NR1D1: variants seen among roughly 807,000 people sequenced by gnomAD.
NR1D1 encodes nuclear receptor subfamily 1 group D member 1, also known as Rev-ErbAalpha.
Under a neutral mutation model 51.1 loss-of-function variants are expected in NR1D1, and 17 were observed. That is an observed-to-expected ratio of 0.33 (90% CI 0.23 to 0.50). The LOEUF (loss-of-function observed/expected upper bound fraction) is 0.50, where lower values mean the gene tolerates loss of function less well. NR1D1 is among the 20% of genes least tolerant of loss of function. NR1D1 has a pLI of 0.98. For synonymous variants in NR1D1, 341 were observed against 333.4 expected (o/e 1.02, Z -0.25); for missense variants, 647 against 830.4 (o/e 0.78, Z 2.71).
At position 40,095,902 on chromosome 17, in the gene NR1D1, C is replaced by G. The variant is rs1040796889; in HGVS notation, c.790G>C (p.Val264Leu). The change falls in exon 5 of 8, where the codon GTG becomes CTG. Residue 264 changes from valine to leucine, a missense_variant. Physicochemically the swap from Val to Leu is conservative, Grantham distance 32. Transcript: ENST00000246672. ...PPPAPVPSPLVGFSQFPQQLT... is the reference protein window; with the variant it reads ...PPPAPVPSPLLGFSQFPQQLT... The stretch of plus-strand genomic sequence containing the variant: ...TGTTGTGGAAACTGGGAGAAGCCCA[C>G]CAGGGGTGAGGGGACCGGAGCAGGG... The G allele has an allele frequency of 1.2e-6, 2 of 1,612,864 alleles. No individual in the cohort carries two copies. Among genetic ancestry groups the G allele is most frequent in the South Asian group, 1.1e-5 (1 of 91,006 alleles).
rs761188125 is a variant in NR1D1 at position 40,093,398 on chromosome 17, C to T, written c.1646-116G>A. ...CTCTCCCTGAAGCCCCCCAGAAGGC[C>T]GATGGGGAAGGAGAAGGAGTGCCAT... On this transcript the variant is annotated intron_variant, in intron 7 of 7. Transcript: ENST00000246672. The surrounding 1 kb of genome is among the most constrained non-coding windows in gnomAD (Gnocchi z 5.9). 11 of 1,604,422 alleles carry T rather than the reference C, an allele frequency of 6.9e-6. No individual in the cohort carries two copies. The highest frequency in any genetic ancestry group is 2.2e-5 in the East Asian group (1 of 44,734).
Position 40,095,669 on chromosome 17 carries a change from A to G in NR1D1, c.1023T>C (p.Asn341=). Residue 341 remains asparagine (N), a synonymous_variant, in exon 5 of 8, where the codon AAT becomes AAC. Transcript: ENST00000246672. ...WENQGCPPAP[N]DNNTLAAQRH... The stretch of plus-strand genomic sequence containing the variant: ...GCTGGGCAGCCAAGGTGTTGTTGTC[A>G]TTGGGGGCAGGTGGGCAGCCCTGAT... 1 of 1,612,414 alleles carries G rather than the reference A, an allele frequency of 6.2e-7. No individual in the cohort carries two copies. Among genetic ancestry groups the G allele is most frequent in the Non-Finnish European group, 8.5e-7 (1 of 1,178,868 alleles).
chr17:40,098,849 T>G (rs1987815646), intron 1 of NR1D1, among the ~76,000 whole-genome samples: 1 of 151,998 alleles, frequency 6.6e-6, no homozygotes, highest in African/African-American at 2.4e-5. Context: ...ATTTGTAATG[T>G]GGGGAAGCTG....
chr17:40,095,360 G>A (rs940643305), intron 5 of NR1D1, 84 bp downstream of exon 5: 3 of 1,475,696 alleles, frequency 2.0e-6, no homozygotes, highest in Admixed American at 2.4e-5. Flanking sequence ...CAGCCTCCAG[G>A]AACCCCCAGC....
intron 2 of NR1D1, 51 bp from the exon 3 acceptor site, chr17:40,096,830 C>T (rs1476769432): frequency 6.4e-7 from 1 of 1,573,820 alleles, no homozygotes; most frequent in Non-Finnish European, 8.7e-7. Flanking sequence ...GCTGAGTGGC[C>T]ACAGGTGTGG....
Position 40,093,928 on chromosome 17 carries a change from C to T in NR1D1, c.1629G>A (p.Val543=), listed in dbSNP as rs1444076102. 3 of 1,613,338 alleles carry T rather than the reference C, an allele frequency of 1.9e-6. No individual in the cohort carries two copies. The highest frequency in any genetic ancestry group is 2.5e-6 in the Non-Finnish European group (3 of 1,180,040). The part of the protein sequence containing the change: ...TEEELGLFTA[V]VLVSADRSGM... The stretch of plus-strand genomic sequence containing the variant: ...CTGACCTACCTGCAGAGACAAGCAC[C>T]ACCGCGGTGAAGAGGCCCAGCTCCT... The change falls in exon 7 of 8, where the codon GTG becomes GTA. Residue 543 remains valine, a synonymous_variant. Transcript: ENST00000246672. This position sits in a 1 kb window ranked among gnomAD's most constrained non-coding sequence, Gnocchi z 5.9.
rs1316608561 is a variant in NR1D1 at position 40,095,823 on chromosome 17, G to T, written c.869C>A (p.Ser290Tyr). The T allele has an allele frequency of 6.2e-7, 1 of 1,613,828 alleles. No homozygotes were observed. Among genetic ancestry groups the T allele is most frequent in the Non-Finnish European group, 8.5e-7 (1 of 1,179,936 alleles). The change falls in exon 5 of 8, where the codon TCC (serine) becomes TAC (tyrosine). Residue 290 changes from serine (S) to tyrosine (Y), a missense_variant. Ser to Tyr is a moderately radical substitution (Grantham distance 144). Around this residue, in one of 7 missense-constraint regions of NR1D1, gnomAD observed 51 missense variants for 75.9 expected, o/e 0.67. Transcript: ENST00000246672. Reference protein sequence around the residue: ...SPEPTVEDVISQVARAHREIF... With the variant: ...SPEPTVEDVIYQVARAHREIF... The stretch of plus-strand genomic sequence containing the variant: ...CTCTCGATGGGCCCGGGCCACCTGG[G>T]ATATCACATCCTCCACTGTGGGCTC...
intron 1 of NR1D1, among the ~76,000 whole-genome samples, chr17:40,098,724 T>A (rs1987812530): frequency 6.6e-6 from 1 of 152,174 alleles, no homozygotes; most frequent in Non-Finnish European, 1.5e-5. Context: ...CAGCTATGAT[T>A]GTGGGGTGCA....
At chr17:40,094,824 G>A in intron 6 of NR1D1, 111 bp downstream of exon 6, 1 of 983,468 alleles carries the variant, frequency 1.0e-6, no homozygotes. Context: ...CTTGAACCCA[G>A]GAGGTGGAGG....
At chr17:40,099,196 C>T (rs1227478531) in intron 1 of NR1D1, among the ~76,000 whole-genome samples, 5 of 152,172 alleles carry the variant, frequency 3.3e-5, no homozygotes, top group Admixed American at 3.3e-4. Flanking sequence ...AACTCGAGGC[C>T]CCGCCCTCCT....
chr17:40,098,134 T>G (rs1190746301), intron 1 of NR1D1, among the ~76,000 whole-genome samples: 1 of 152,178 alleles, frequency 6.6e-6, no homozygotes, highest in East Asian at 1.9e-4. Context: ...TGACCTTGGC[T>G]CTCTGGCCAT....
chr17:40,096,237 C>T, intron 4 of NR1D1, 150 bp from the exon 5 acceptor site: 1 of 1,348,528 alleles, frequency 7.4e-7, no homozygotes, highest in Non-Finnish European at 1.0e-6. Context: ...AAGGGGGTTT[C>T]CCTAGGAGGG....
At chr17:40,099,987 TTCC>T in intron 1 of NR1D1, 74 bp downstream of exon 1, 1 of 1,081,884 alleles carries the variant, frequency 9.2e-7, no homozygotes, top group Non-Finnish European at 1.4e-6. Flanking sequence ...CCTTACAAAG[TTCC>T]TCTTTTTATA....
intron 1 of NR1D1, among the ~76,000 whole-genome samples, chr17:40,098,516 A>T (rs1987808269): frequency 6.6e-6 from 1 of 152,112 alleles, no homozygotes; most frequent in Non-Finnish European, 1.5e-5. Flanking sequence ...AATGAAGTTG[A>T]CCTAGTTCAC....
chr17:40,099,632 G>C (rs896610363), intron 1 of NR1D1, among the ~76,000 whole-genome samples: 2 of 152,074 alleles, frequency 1.3e-5, no homozygotes, highest in Non-Finnish European at 2.9e-5. Context: ...ACTCTTCTCA[G>C]ATTCCCTCGC....
chr17:40,095,436 G>A lies in NR1D1; in HGVS notation c.1248+8C>T. 6 of 1,521,978 alleles carry A rather than the reference G, an allele frequency of 3.9e-6. No individual in the cohort carries two copies. In the South Asian group the frequency reaches 6.5e-5, roughly 17 times the overall value. 94.3% of individuals were successfully genotyped at this position (1,521,978 alleles called of 1,614,324 possible). A position where few individuals can be genotyped will look rare whatever the true frequency, so the allele number is the denominator to read the frequency against. On this transcript the variant is annotated splice_region_variant and intron_variant, in intron 5 of 7. Transcript: ENST00000246672. ...TCTTAACGCACTCGCCCGCCCCCAT[G>A]CCCTTACCAGCAGAACATTCTTTGA... is the stretch of plus-strand genomic sequence containing the variant.
At chr17:40,094,338 C>T (rs1987701838) in intron 6 of NR1D1, among the ~76,000 whole-genome samples, 1 of 152,128 alleles carries the variant, frequency 6.6e-6, no homozygotes, top group Non-Finnish European at 1.5e-5. Flanking sequence ...TACCTGTGAC[C>T]TTGGGCAAGG....
intron 1 of NR1D1, among the ~76,000 whole-genome samples, chr17:40,099,425 G>GA (rs1987832114): frequency 6.6e-6 from 1 of 152,220 alleles, no homozygotes; most frequent in Non-Finnish European, 1.5e-5. Context: ...TCTGCTGAAT[G>GA]AAAACAAACG....
chr17:40,097,177 G>A lies in NR1D1; in HGVS notation c.258C>T (p.Ser86=). 1 of 1,611,714 alleles carries A rather than the reference G, an allele frequency of 6.2e-7. No homozygotes were observed. The highest frequency in any genetic ancestry group is 8.5e-7 in the Non-Finnish European group (1 of 1,178,494). The change falls in exon 2 of 8, where the codon TCC becomes TCT. Residue 86 remains serine, a synonymous_variant. Coordinates refer to ENST00000246672, the MANE Select transcript of NR1D1 (RefSeq NM_021724.5). ...AGAAGGAGGAGGAGGATGACGACGA[G>A]GAAGATGAGGAAGAAGGGGAGCCGT... The part of the protein sequence containing the change: ...SDDGSPSSSS[S]SSSSSSSFYN...
Sources: allele counts gnomAD v4.1 joint callset (sites outside exome capture counted in the v4.1 genomes callset), GRCh38; gene constraint gnomAD v4.1.1; regional missense constraint gnomAD v4.1.1; non-coding constraint Gnocchi (gnomAD v3.1); transcripts MANE v1.5; gene names NCBI Gene and HGNC (gene_info 2026-07-23, HGNC 2026-07-21).